The following HYAL4 variants were observed in gnomAD, a reference collection of about 807,000 sequenced individuals.
HYAL4 encodes the protein hyaluronidase-4.
HYAL4 carries 37 observed loss-of-function variants against 35.2 expected under a neutral mutation model. The ratio of observed to expected loss-of-function variants is 1.05; its 90% CI spans 0.81 to 1.38. HYAL4 has a LOEUF of 1.38. Among genes scored for constraint, HYAL4 ranks in the 40% most tolerant of loss-of-function variants. The probability of loss-of-function intolerance (pLI) is 0.00; values close to 1 mark genes in which losing one functional copy is unlikely to be tolerated. For synonymous variants in HYAL4, 198 were observed against 203.2 expected, an observed-to-expected ratio of 0.97 and a Z score of 0.22; for missense variants, 572 against 572.4, an observed-to-expected ratio of 1.00 and a Z score of 0.01.
Position 123,877,121 on chromosome 7 carries a change from T to G in HYAL4, c.1412T>G (p.Leu471Arg). ...GGTTCACTAATGACACTTTGTCTAC[T>G]GCTTTTAGCAAGTTATCGAAGCATT... ...SPGSLMTLCL[L>R]LLASYRSIQL is the part of the protein sequence containing the mutation. The change falls in exon 5 of 5, where the codon CTG becomes CGG. Residue 471 changes from leucine to arginine, a missense_variant. Transcript: ENST00000223026. The G allele has an allele frequency of 6.2e-7, 1 of 1,614,116 alleles. No individual in the cohort carries two copies. The highest frequency in any genetic ancestry group is 8.5e-7 in the Non-Finnish European group (1 of 1,179,958).
intron 2 of HYAL4, among the ~76,000 whole-genome samples, chr7:123,867,135 A>C (rs1432779681): frequency 6.6e-6 from 1 of 152,070 alleles, no homozygotes; most frequent in Non-Finnish European, 1.5e-5. Flanking sequence ...CTGTTACACC[A>C]GGGGTTTGGT....
Position 123,868,336 on chromosome 7 carries a change from A to G in HYAL4, c.63A>G (p.Ser21=). The stretch of plus-strand genomic sequence containing the variant: ...TTGTTCAACCAGTACATCTCACTTC[A>G]TGGCTCCTTATATTTTTTATTCTAA... The part of the protein sequence containing the change: ...LCVVQPVHLT[S]WLLIFFILKS... The change falls in exon 3 of 5, where the codon TCA becomes TCG. Residue 21 remains serine (S), a synonymous_variant. Transcript: ENST00000223026. 1 of 1,597,742 alleles carries G rather than the reference A, an allele frequency of 6.3e-7. No individual in the cohort carries two copies. Among genetic ancestry groups the G allele is most frequent in the Non-Finnish European group, 8.5e-7 (1 of 1,175,616 alleles).
chr7:123,803,691 A>C, the HYAL4 span, among the ~76,000 whole-genome samples: 1 of 152,212 alleles, frequency 6.6e-6, no homozygotes, highest in East Asian at 1.9e-4. Flanking sequence ...AAGATGCCCA[A>C]TTTTATACTT....
intron 2 of HYAL4, among the ~76,000 whole-genome samples, chr7:123,866,061 C>T (rs1806680391): frequency 6.6e-6 from 1 of 152,180 alleles, no homozygotes; most frequent in Admixed American, 6.5e-5. Flanking sequence ...TTACCTGCCA[C>T]CACGTCCCTC....
At chr7:123,786,378 A>G in the HYAL4 span, among the ~76,000 whole-genome samples, 1 of 152,188 alleles carries the variant, frequency 6.6e-6, no homozygotes, top group Non-Finnish European at 1.5e-5. Context: ...CTCCACACAT[A>G]CTATCCTTAC....
chr7:123,842,884 A>C (rs978855176), upstream of HYAL4, among the ~76,000 whole-genome samples: 1 of 151,678 alleles, frequency 6.6e-6, no homozygotes, highest in African/African-American at 2.4e-5. Context: ...TTTTGAGCCT[A>C]TGTGTGTCTT....
the HYAL4 span, among the ~76,000 whole-genome samples, chr7:123,821,518 T>A: frequency 3.3e-5 from 5 of 152,314 alleles, no homozygotes; most frequent in South Asian, 8.3e-4. Context: ...TTTTGCTGAG[T>A]CATAGAAGTT....
In HYAL4 at chr7:123,868,397, A is replaced by G. The variant is rs561912396; in HGVS notation, c.124A>G (p.Ile42Val). The change falls in exon 3 of 5, where the codon ATT becomes GTT. Residue 42 changes from isoleucine (I) to valine (V), a missense_variant. Coordinates refer to ENST00000223026, the MANE Select transcript of HYAL4 (RefSeq NM_012269.3). ...TTGTCTAAAACCTGCTCGACTTCCA[A>G]TTTATCAAAGGAAACCTTTTATAGC... The part of the protein sequence containing the change: ...ISCLKPARLP[I>V]YQRKPFIAAW... The G allele has an allele frequency of 5.3e-5, 86 of 1,613,234 alleles. No homozygotes were observed. The highest frequency in any genetic ancestry group is 6.7e-5 in the Admixed American group (4 of 59,892).
chr7:123,766,531 T>A, the HYAL4 span, among the ~76,000 whole-genome samples: 1 of 152,172 alleles, frequency 6.6e-6, no homozygotes, highest in African/African-American at 2.4e-5. Flanking sequence ...TTAAATTTTA[T>A]AGAACCAGTT....
the HYAL4 span, among the ~76,000 whole-genome samples, chr7:123,821,026 G>A: frequency 3.9e-5 from 6 of 152,058 alleles, no homozygotes; most frequent in East Asian, 3.9e-4. Context: ...TGTATATACC[G>A]AATTATCCTT....
chr7:123,792,293 A>T, the HYAL4 span, among the ~76,000 whole-genome samples: 2 of 152,204 alleles, frequency 1.3e-5, no homozygotes, highest in African/African-American at 2.4e-5. Flanking sequence ...GTTATGCTCC[A>T]CTGAATCTTC....
intron 2 of HYAL4, among the ~76,000 whole-genome samples, chr7:123,859,603 CTTGT>C (rs1181985166): frequency 6.6e-6 from 1 of 152,020 alleles, no homozygotes; most frequent in Admixed American, 6.6e-5. Context: ...AAGGGATGTT[CTTGT>C]CAGATTGCAG....
the HYAL4 span, among the ~76,000 whole-genome samples, chr7:123,805,818 G>A: frequency 6.6e-6 from 1 of 151,880 alleles, no homozygotes; most frequent in Non-Finnish European, 1.5e-5. Flanking sequence ...GGCTTTTTTG[G>A]TAGAAATGAC....
At chr7:123,849,972 G>GTTTTATCTTACATAA (rs1806265946) in intron 2 of HYAL4, among the ~76,000 whole-genome samples, 1 of 116,170 alleles carries the variant, frequency 8.6e-6, no homozygotes, top group African/African-American at 3.3e-5. Context: ...ATCTTACATA[G>GTTTTATCTTACATAA]TAGCATGCAA....
At chr7:123,796,256 T>A in the HYAL4 span, among the ~76,000 whole-genome samples, 1 of 151,886 alleles carries the variant, frequency 6.6e-6, no homozygotes, top group South Asian at 2.1e-4. Flanking sequence ...ATAGGAAGAG[T>A]CATCCAGACC....
chr7:123,802,987 G>A, the HYAL4 span, among the ~76,000 whole-genome samples: 1 of 152,122 alleles, frequency 6.6e-6, no homozygotes, highest in Non-Finnish European at 1.5e-5. Context: ...CTCTAAATCT[G>A]GTGTCATTCT....
intron 1 of HYAL4, among the ~76,000 whole-genome samples, chr7:123,846,928 G>T (rs564169420): frequency 1.6e-4 from 25 of 152,092 alleles, no homozygotes; most frequent in Non-Finnish European, 3.5e-4. Flanking sequence ...CCCCATTGAG[G>T]GTGTGTGTTT....
chr7:123,828,577 A>G (rs1805834945), upstream of HYAL4, among the ~76,000 whole-genome samples: 1 of 152,138 alleles, frequency 6.6e-6, no homozygotes, highest in South Asian at 2.1e-4. Flanking sequence ...CTAATGTTAA[A>G]ATATATTGAG....
the HYAL4 span, among the ~76,000 whole-genome samples, chr7:123,801,964 G>C: frequency 6.6e-6 from 1 of 152,168 alleles, no homozygotes; most frequent in Non-Finnish European, 1.5e-5. Context: ...TTCCTAGAGG[G>C]TAGAGGGTTT....
Sources: allele counts gnomAD v4.1 joint callset (sites outside exome capture counted in the v4.1 genomes callset), GRCh38; gene constraint gnomAD v4.1.1; transcripts MANE v1.5; gene names NCBI Gene and HGNC (gene_info 2026-07-23, HGNC 2026-07-21).